Variants in BTRC observed in about 807,000 individuals in gnomAD.
BTRC encodes F-box/WD repeat-containing protein 1A.
Under a neutral mutation model 85.5 loss-of-function variants are expected in BTRC, and 42 were observed. The ratio of observed to expected loss-of-function variants is 0.49; its 90% CI spans 0.38 to 0.64. The LOEUF (loss-of-function observed/expected upper bound fraction) is 0.64. BTRC is among the 30% of genes least tolerant of loss of function. BTRC has a pLI of 0.00. For missense variants in BTRC, 594 were observed against 743.5 expected (o/e 0.80, Z 2.34); for synonymous variants, 255 against 263.3 (o/e 0.97, Z 0.30).
At chr10:101,355,077 A>G (rs1245298754) in intron 1 of BTRC, among the ~76,000 whole-genome samples, 1 of 152,198 alleles carries the variant, frequency 6.6e-6, no homozygotes, top group Non-Finnish European at 1.5e-5. Context: ...ATTGGGGCAA[A>G]ATGAGTATCT....
At chr10:101,461,135 CA>C (rs1945214596) in intron 2 of BTRC, among the ~76,000 whole-genome samples, 1 of 152,142 alleles carries the variant, frequency 6.6e-6, no homozygotes, top group Non-Finnish European at 1.5e-5. Flanking sequence ...CTCCTGACCT[CA>C]GATGATCTGC....
intron 4 of BTRC, among the ~76,000 whole-genome samples, chr10:101,493,880 G>T (rs961895477): frequency 1.3e-5 from 2 of 152,180 alleles, no homozygotes; most frequent in Admixed American, 1.3e-4. Flanking sequence ...ATTAATGCCA[G>T]GGTTCTGAAG....
intron 1 of BTRC, among the ~76,000 whole-genome samples, chr10:101,369,363 G>A (rs1242621826): frequency 6.6e-6 from 1 of 152,022 alleles, no homozygotes; most frequent in Non-Finnish European, 1.5e-5. Flanking sequence ...AGAGGCATGA[G>A]CCTCATTATT....
intron 1 of BTRC, among the ~76,000 whole-genome samples, chr10:101,362,122 A>G (rs1481359146): frequency 2.6e-5 from 4 of 151,538 alleles, no homozygotes; most frequent in Non-Finnish European, 4.4e-5. Flanking sequence ...CACCACACCC[A>G]GCTCATTTTT....
chr10:101,457,827 T>C (rs1211248793), intron 2 of BTRC, among the ~76,000 whole-genome samples: 1 of 152,178 alleles, frequency 6.6e-6, no homozygotes, highest in Non-Finnish European at 1.5e-5. Flanking sequence ...AATTAATTAA[T>C]TTTTTATTTT....
chr10:101,489,415 G>A (rs1946072198), intron 4 of BTRC, among the ~76,000 whole-genome samples: 2 of 152,062 alleles, frequency 1.3e-5, no homozygotes, highest in African/African-American at 4.8e-5. Context: ...CTTAATACTT[G>A]TATGGATTTT....
intron 10 of BTRC, 125 bp from the exon 11 acceptor site, chr10:101,535,229 A>G: frequency 1.2e-6 from 1 of 808,582 alleles, no homozygotes. Context: ...CCTTTGTTTT[A>G]TTTGTTTGAG....
intron 1 of BTRC, among the ~76,000 whole-genome samples, chr10:101,387,119 A>C (rs571633398): frequency 2.0e-5 from 3 of 151,948 alleles, no homozygotes; most frequent in Non-Finnish European, 4.4e-5. Context: ...ATTCTGTTCT[A>C]TTGTTCATTT....
intron 2 of BTRC, among the ~76,000 whole-genome samples, chr10:101,431,110 T>G (rs906851935): frequency 1.4e-5 from 2 of 138,772 alleles, no homozygotes; most frequent in South Asian, 2.4e-4. Flanking sequence ...GGAGTCTTGC[T>G]TCATGGCGCA....
At chr10:101,512,791 C>T (rs1404618142) in intron 4 of BTRC, among the ~76,000 whole-genome samples, 1 of 152,200 alleles carries the variant, frequency 6.6e-6, no homozygotes, top group Admixed American at 6.5e-5. Flanking sequence ...TAACTCCTTT[C>T]ATTTTGTGTG....
intron 2 of BTRC, among the ~76,000 whole-genome samples, chr10:101,435,987 C>T (rs1000907764): frequency 4.6e-5 from 7 of 151,986 alleles, no homozygotes; most frequent in African/African-American, 1.2e-4. Context: ...GGATTATTCC[C>T]AGTAGCTCAA....
chr10:101,502,832 G>A (rs1000087041), intron 4 of BTRC, among the ~76,000 whole-genome samples: 1 of 152,046 alleles, frequency 6.6e-6, no homozygotes, highest in Non-Finnish European at 1.5e-5. Context: ...AAAGTTTCTG[G>A]ACATAATATT....
intron 14 of BTRC, 58 bp from the exon 15 acceptor site, chr10:101,553,097 A>C (rs970843118): frequency 2.0e-5 from 3 of 152,640 alleles, no homozygotes; most frequent in African/African-American, 7.2e-5. Context: ...TTTTGTCTTC[A>C]AGCAAGTAAG....
chr10:101,535,424 A>T lies in BTRC; in HGVS notation c.1418A>T (p.Gln473Leu). The part of the protein sequence containing the change: ...NGHKRGIACL[Q>L]YRDRLVVSGS... ...CACAAACGAGGCATTGCCTGTTTGC[A>T]GTACAGGGACAGGCTGGTAGTGAGT... is the stretch of plus-strand genomic sequence containing the variant. Residue 473 changes from glutamine to leucine, a missense_variant, in exon 11 of 15, where the codon CAG (glutamine) becomes CTG (leucine). Transcript: ENST00000370187. 1 of 1,614,156 alleles carries T rather than the reference A, an allele frequency of 6.2e-7. No individual in the cohort carries two copies. Among genetic ancestry groups the T allele is most frequent in the Non-Finnish European group, 8.5e-7 (1 of 1,180,014 alleles).
chr10:101,490,994 G>A (rs868056662), intron 4 of BTRC, among the ~76,000 whole-genome samples: 2 of 152,018 alleles, frequency 1.3e-5, no homozygotes, highest in South Asian at 2.1e-4. Context: ...GGGAGGCAGA[G>A]GTTGCAGTAG....
At chr10:101,496,182 A>G (rs1414864509) in intron 4 of BTRC, among the ~76,000 whole-genome samples, 1 of 152,164 alleles carries the variant, frequency 6.6e-6, no homozygotes, top group Non-Finnish European at 1.5e-5. Context: ...TTTCATAACT[A>G]CAAAAAATTA....
intron 1 of BTRC, among the ~76,000 whole-genome samples, chr10:101,418,825 C>T (rs533703182): frequency 6.6e-6 from 1 of 152,226 alleles, no homozygotes; most frequent in Non-Finnish European, 1.5e-5. Context: ...GCCCAGCATG[C>T]ATCAGCTCTT....
At chr10:101,358,815 C>CA (rs1206810361) in intron 1 of BTRC, among the ~76,000 whole-genome samples, 5 of 151,958 alleles carry the variant, frequency 3.3e-5, no homozygotes, top group Non-Finnish European at 5.9e-5. Context: ...CCAAGAATGT[C>CA]ACTGTGGGTC....
At chr10:101,530,649 GATATT>G (rs1485549807) in intron 6 of BTRC, among the ~76,000 whole-genome samples, 1 of 152,140 alleles carries the variant, frequency 6.6e-6, no homozygotes, top group East Asian at 1.9e-4. Context: ...TTTGTTTACT[GATATT>G]ATAATATTCC....
Sources: gnomAD v4.1 joint callset for allele counts (sites outside exome capture counted in the v4.1 genomes callset) on GRCh38, gnomAD v4.1.1 for gene constraint, MANE v1.5 for transcripts, NCBI Gene and HGNC (gene_info 2026-07-23, HGNC 2026-07-21) for gene names.